Variants in MDGA2 observed in about 807,000 individuals in gnomAD.
The protein encoded by MDGA2 is MAM domain-containing glycosylphosphatidylinositol anchor protein 2.
MDGA2 carries 40 observed loss-of-function variants against 117.8 expected under a neutral mutation model. That is an observed-to-expected ratio of 0.34 (90% CI 0.26 to 0.44). The LOEUF (loss-of-function observed/expected upper bound fraction) is 0.44. Ranked by LOEUF, MDGA2 falls within the 20% of genes least tolerant of loss-of-function variation. MDGA2 has a pLI of 1.00. For synonymous variants in MDGA2, 452 were observed against 439.0 expected (o/e 1.03, Z -0.37); for missense variants, 1,123 against 1,250.6 (o/e 0.90, Z 1.54).
intron 1 of MDGA2, among the ~76,000 whole-genome samples, chr14:47,670,207 T>C (rs1437850906): frequency 2.0e-5 from 3 of 152,200 alleles, no homozygotes. Context: ...TTCTAATGCA[T>C]TCTGAAAGCT....
At chr14:47,040,791 C>T (rs1480278817) in intron 7 of MDGA2, among the ~76,000 whole-genome samples, 1 of 152,158 alleles carries the variant, frequency 6.6e-6, no homozygotes, top group Admixed American at 6.6e-5. Context: ...TTAACCTGTC[C>T]TTGTGACTTT....
At chr14:47,319,710 TTTGTC>T (rs1414524030) in intron 1 of MDGA2, among the ~76,000 whole-genome samples, 12 of 152,204 alleles carry the variant, frequency 7.9e-5, no homozygotes, top group African/African-American at 2.9e-4. Flanking sequence ...CTTTTGTTTG[TTTGTC>T]TTATGGCAGC....
intron 8 of MDGA2, among the ~76,000 whole-genome samples, chr14:46,994,029 A>G (rs983615355): frequency 2.0e-5 from 3 of 152,140 alleles, no homozygotes; most frequent in Non-Finnish European, 4.4e-5. Context: ...GGGTCAGACC[A>G]TATCAGTTGA....
At chr14:47,612,703 G>GT (rs1555336378) in intron 1 of MDGA2, among the ~76,000 whole-genome samples, 10 of 151,948 alleles carry the variant, frequency 6.6e-5, no homozygotes, top group Non-Finnish European at 1.5e-4. Flanking sequence ...TCTATACTTT[G>GT]TTTTTTTCCC....
intron 8 of MDGA2, among the ~76,000 whole-genome samples, chr14:46,975,212 T>G (rs1886410928): frequency 6.6e-6 from 1 of 152,114 alleles, no homozygotes; most frequent in Admixed American, 6.6e-5. Flanking sequence ...TTGGTGAGAA[T>G]GTAGAGAAAT....
At chr14:47,417,180 C>CT (rs1419443199) in intron 1 of MDGA2, among the ~76,000 whole-genome samples, 1 of 152,082 alleles carries the variant, frequency 6.6e-6, no homozygotes, top group East Asian at 1.9e-4. Flanking sequence ...ACTTGTTTCC[C>CT]TTTTGATTAA....
chr14:47,165,477 A>G (rs566139915), intron 3 of MDGA2, among the ~76,000 whole-genome samples: 13 of 152,062 alleles, frequency 8.5e-5, no homozygotes, highest in Admixed American at 8.5e-4. Flanking sequence ...TTCCATTTTC[A>G]CTAGCCATAG....
At chr14:46,905,024 T>C (rs1325584506) in intron 10 of MDGA2, among the ~76,000 whole-genome samples, 1 of 152,160 alleles carries the variant, frequency 6.6e-6, no homozygotes, top group African/African-American at 2.4e-5. Context: ...ACAGAAATAA[T>C]GGAACATGCA....
intron 7 of MDGA2, among the ~76,000 whole-genome samples, chr14:47,048,818 A>T (rs1030745859): frequency 1.2e-4 from 18 of 152,124 alleles, no homozygotes; most frequent in Admixed American, 3.3e-4. Context: ...TTATAGCTGC[A>T]TGAAGGCCTT....
chr14:47,128,611 T>C (rs1279693556), intron 5 of MDGA2, among the ~76,000 whole-genome samples: 1 of 152,072 alleles, frequency 6.6e-6, no homozygotes, highest in Non-Finnish European at 1.5e-5. Context: ...TTTCCCCTTT[T>C]TTAAGTCAGA....
At chr14:47,102,413 A>AAACT (rs1304562647) in intron 5 of MDGA2, among the ~76,000 whole-genome samples, 3 of 151,714 alleles carry the variant, frequency 2.0e-5, no homozygotes, top group African/African-American at 7.3e-5. Context: ...ACACACACAC[A>AAACT]AACTAACTAA....
At chr14:47,396,674 G>T (rs567743369) in intron 1 of MDGA2, among the ~76,000 whole-genome samples, 1 of 152,282 alleles carries the variant, frequency 6.6e-6, no homozygotes, top group Non-Finnish European at 1.5e-5. Context: ...TGTGGGTGAA[G>T]GATATGAACA....
Position 46,926,150 on chromosome 14 carries a change from G to T in MDGA2, c.2090-5990C>A, listed in dbSNP as rs144161617. ...ATTTACTCTAAAGTCCAGTTATTCTGAAATGACTTTAACCAGTCCTCATGA... is the reference window on the plus strand; with the variant it reads ...ATTTACTCTAAAGTCCAGTTATTCTTAAATGACTTTAACCAGTCCTCATGA... On this transcript the variant is annotated intron_variant, in intron 9 of 16. Coordinates refer to ENST00000399232, the MANE Select transcript of MDGA2 (RefSeq NM_001113498.3). Among the ~76,000 whole-genome samples, 1,128 of 152,230 alleles carry T rather than the reference G, an allele frequency of 7.4e-3. 12 individuals carry two copies. Among genetic ancestry groups the T allele is most frequent in the African/African-American group, 0.026 (1,065 of 41,542 alleles).
At chr14:47,163,811 G>A (rs1478185989) in intron 3 of MDGA2, among the ~76,000 whole-genome samples, 1 of 152,208 alleles carries the variant, frequency 6.6e-6, no homozygotes, top group African/African-American at 2.4e-5. Flanking sequence ...TATGGTGACA[G>A]TAGTGACAAC....
intron 1 of MDGA2, among the ~76,000 whole-genome samples, chr14:47,595,747 G>A (rs1896531261): frequency 6.6e-6 from 1 of 152,012 alleles, no homozygotes; most frequent in African/African-American, 2.4e-5. Flanking sequence ...CTGGGAAAGT[G>A]CCCACTCTAG....
At chr14:47,403,626 C>T (rs2138468631) in intron 1 of MDGA2, among the ~76,000 whole-genome samples, 1 of 152,228 alleles carries the variant, frequency 6.6e-6, no homozygotes, top group South Asian at 2.1e-4. Flanking sequence ...GCTAACAGTT[C>T]TTCCTGCTGT....
At chr14:47,456,363 A>T (rs1380194152) in intron 1 of MDGA2, among the ~76,000 whole-genome samples, 1 of 147,210 alleles carries the variant, frequency 6.8e-6, no homozygotes. Flanking sequence ...TGCCATCTCG[A>T]CTCACCGCAA....
At chr14:47,143,989 A>G in intron 4 of MDGA2, 89 bp downstream of exon 4, 1 of 993,332 alleles carries the variant, frequency 1.0e-6, no homozygotes, top group Admixed American at 3.5e-5. Context: ...TAGAGAAACT[A>G]TCTTTTCAAA....
intron 1 of MDGA2, among the ~76,000 whole-genome samples, chr14:47,580,841 G>A (rs1289834529): frequency 6.6e-6 from 1 of 151,856 alleles, no homozygotes; most frequent in Non-Finnish European, 1.5e-5. Flanking sequence ...TTTCCTCTTA[G>A]CCAACTTGGT....
Sources: allele counts gnomAD v4.1 joint callset (sites outside exome capture counted in the v4.1 genomes callset), GRCh38; gene constraint gnomAD v4.1.1; transcripts MANE v1.5; gene names NCBI Gene and HGNC (gene_info 2026-07-23, HGNC 2026-07-21).